Variants in UTRN observed in about 807,000 individuals in gnomAD.
UTRN encodes the protein dystrophin-related protein 1.
In UTRN, 283 loss-of-function variants were observed where a neutral mutation model predicts 463.9. That is an observed-to-expected ratio of 0.61 (90% CI 0.55 to 0.67). The LOEUF (loss-of-function observed/expected upper bound fraction) is 0.67, where lower values mean the gene tolerates loss of function less well. Among genes scored for constraint, UTRN ranks in the 30% least tolerant of loss-of-function variants. UTRN has a pLI of 0.00. For missense variants in UTRN, 3,922 were observed against 4,084.3 expected, an observed-to-expected ratio of 0.96 and a Z score of 1.08; for synonymous variants, 1,442 against 1,431.5, an observed-to-expected ratio of 1.01 and a Z score of -0.17.
chr6:144,802,592 A>T (rs932861053), intron 64 of UTRN, among the ~76,000 whole-genome samples: 1 of 152,144 alleles, frequency 6.6e-6, no homozygotes, highest in Non-Finnish European at 1.5e-5. Flanking sequence ...CACCATTTCC[A>T]TTCAAGGATG....
chr6:144,383,404 A>G (rs1781111492), intron 2 of UTRN, among the ~76,000 whole-genome samples: 1 of 152,190 alleles, frequency 6.6e-6, no homozygotes, highest in Non-Finnish European at 1.5e-5. Flanking sequence ...ATTAACTAAG[A>G]AAGAACTCAT....
chr6:144,524,287 G>A (rs545096420), intron 41 of UTRN, among the ~76,000 whole-genome samples: 1 of 152,080 alleles, frequency 6.6e-6, no homozygotes, highest in South Asian at 2.1e-4. Context: ...CATTAGGCTT[G>A]ATCATTAGAT....
At chr6:144,707,385 T>C (rs1454496779) in intron 53 of UTRN, among the ~76,000 whole-genome samples, 2 of 152,204 alleles carry the variant, frequency 1.3e-5, no homozygotes, top group African/African-American at 2.4e-5. Flanking sequence ...TGTTCCATAC[T>C]TGCTGTATGA....
chr6:144,795,191 G>A (rs531178860), intron 63 of UTRN, among the ~76,000 whole-genome samples: 1 of 152,264 alleles, frequency 6.6e-6, no homozygotes, highest in African/African-American at 2.4e-5. Flanking sequence ...TCCCTGCAAG[G>A]GACATGGACT....
chr6:144,317,244 A>G (rs1456799348), intron 2 of UTRN, among the ~76,000 whole-genome samples: 1 of 152,192 alleles, frequency 6.6e-6, no homozygotes, highest in Non-Finnish European at 1.5e-5. Flanking sequence ...GCTACATGTG[A>G]TAATCTAGAT....
chr6:144,605,104 T>C (rs1039450469), intron 51 of UTRN, among the ~76,000 whole-genome samples: 1 of 152,150 alleles, frequency 6.6e-6, no homozygotes, highest in Admixed American at 6.5e-5. Flanking sequence ...TAATTACTAA[T>C]GAACACAGAT....
At chr6:144,564,433 C>T (rs1029110135) in intron 50 of UTRN, among the ~76,000 whole-genome samples, 2 of 152,004 alleles carry the variant, frequency 1.3e-5, no homozygotes, top group African/African-American at 2.4e-5. Context: ...GCTTGAGATG[C>T]GGTAGGAGAG....
intron 23 of UTRN, among the ~76,000 whole-genome samples, chr6:144,471,032 A>AC (rs1790559371): frequency 1.2e-5 from 1 of 82,512 alleles, no homozygotes; most frequent in Non-Finnish European, 2.3e-5. Flanking sequence ...GGAGAGGGAG[A>AC]CGAGGGAGGG....
chr6:144,839,479 C>T (rs571603225), intron 72 of UTRN, among the ~76,000 whole-genome samples, 195 bp downstream of exon 72: 31 of 152,310 alleles, frequency 2.0e-4, no homozygotes, highest in African/African-American at 5.3e-4. Context: ...AGCTATAATA[C>T]ACTTGTTTAT....
chr6:144,682,191 A>G (rs1011248753), intron 52 of UTRN, among the ~76,000 whole-genome samples: 7 of 151,848 alleles, frequency 4.6e-5, no homozygotes, highest in African/African-American at 7.3e-5. Flanking sequence ...CTTCTACTCT[A>G]TCTCCATGAG....
chr6:144,803,716 T>C (rs1211975685), intron 65 of UTRN, among the ~76,000 whole-genome samples: 1 of 152,088 alleles, frequency 6.6e-6, no homozygotes, highest in Non-Finnish European at 1.5e-5. Context: ...AACCATTCCC[T>C]GAAATTTGGA....
At chr6:144,613,421 G>A (rs186331077) in intron 51 of UTRN, among the ~76,000 whole-genome samples, 19 of 152,026 alleles carry the variant, frequency 1.2e-4, no homozygotes, top group East Asian at 9.7e-4. Context: ...GAGATGAATC[G>A]GTTAATTAGT....
intron 51 of UTRN, among the ~76,000 whole-genome samples, chr6:144,648,538 A>G (rs1228576693): frequency 6.6e-6 from 1 of 152,244 alleles, no homozygotes; most frequent in African/African-American, 2.4e-5. Flanking sequence ...ATGACTAAAA[A>G]AATACAATCA....
chr6:144,715,093 T>C (rs935439968), intron 53 of UTRN, among the ~76,000 whole-genome samples: 13 of 152,116 alleles, frequency 8.5e-5, no homozygotes, highest in Non-Finnish European at 1.8e-4. Flanking sequence ...GATATATCCG[T>C]TTACATGTCA....
rs545551155 is a variant in UTRN at position 144,469,703 on chromosome 6, C to CTT, written c.3067-4007_3067-4006dup. Among the ~76,000 whole-genome samples the CTT allele has an allele frequency of 6.6e-5, 9 of 135,750 alleles. No individual in the cohort carries two copies. In the South Asian group the frequency reaches 6.8e-4, roughly 10 times the overall value. 89.1% of individuals were successfully genotyped at this position (135,750 alleles called of 152,430 possible). On this transcript the variant is annotated intron_variant, in intron 23 of 74. Coordinates refer to ENST00000367545, the MANE Select transcript of UTRN (RefSeq NM_007124.3). Reference sequence around the variant, plus strand: ...CATGGCTTCTCTGTCTGTTTCTTTCCTTTTTTTTTTTAGTATTTATTGATC... The same window carrying CTT: ...CATGGCTTCTCTGTCTGTTTCTTTCCTTTTTTTTTTTTTAGTATTTATTGATC...
intron 50 of UTRN, among the ~76,000 whole-genome samples, chr6:144,567,229 G>C (rs536759409): frequency 6.6e-6 from 1 of 152,266 alleles, no homozygotes; most frequent in Non-Finnish European, 1.5e-5. Context: ...TGGGGAGATG[G>C]AAGGTACAGC....
rs868485976 is a variant in UTRN, at chr6:144,660,642, C to T, written c.7480-17764C>T. The stretch of plus-strand genomic sequence containing the variant: ...GGGTATTGGTGCCAAAGTCTGACTT[C>T]GTAGGCATGGGTTCTGTTCTCCATA... On this transcript the variant is annotated intron_variant, in intron 51 of 74. Coordinates refer to ENST00000367545, the MANE Select transcript of UTRN (RefSeq NM_007124.3). Among the ~76,000 whole-genome samples, 5 of 152,304 alleles carry T rather than the reference C, an allele frequency of 3.3e-5. No individual in the cohort carries two copies. In the South Asian group the frequency reaches 6.2e-4, roughly 19 times the overall value.
At chr6:144,770,603 C>A (rs1163051092) in intron 58 of UTRN, among the ~76,000 whole-genome samples, 1 of 151,862 alleles carries the variant, frequency 6.6e-6, no homozygotes, top group Non-Finnish European at 1.5e-5. Flanking sequence ...CCACCAAAGT[C>A]ATGAACTGTT....
At position 144,391,855 on chromosome 6, in the gene UTRN, T is replaced by C. The variant is rs566600427; in HGVS notation, c.80-11268T>C. ...ACAGGGTTTCACCTGTTAGCCATGA[T>C]GGTCTCGATCTCCTGACCTCGTGAT... is the stretch of plus-strand genomic sequence containing the variant. On this transcript the variant is annotated intron_variant, in intron 2 of 74. Coordinates refer to ENST00000367545, the MANE Select transcript of UTRN (RefSeq NM_007124.3). Among the ~76,000 whole-genome samples, 94 of 152,354 alleles carry C rather than the reference T, an allele frequency of 6.2e-4. 1 individual carries two copies. Among genetic ancestry groups the C allele is most frequent in the African/African-American group, 1.7e-3 (71 of 41,580 alleles).
Sources: gnomAD v4.1 joint callset for allele counts (sites outside exome capture counted in the v4.1 genomes callset) on GRCh38, gnomAD v4.1.1 for gene constraint, MANE v1.5 for transcripts, NCBI Gene and HGNC (gene_info 2026-07-23, HGNC 2026-07-21) for gene names.